The following STXBP5L variants were observed in gnomAD, a reference collection of about 807,000 sequenced individuals.
The protein encoded by STXBP5L is syntaxin-binding protein 5-like.
A neutral mutation model predicts 144.5 loss-of-function variants in STXBP5L; 65 were observed. The observed-to-expected ratio is 0.45, with a 90% CI of 0.37 to 0.55. The LOEUF (loss-of-function observed/expected upper bound fraction) is 0.55. STXBP5L is among the 20% of genes least tolerant of loss of function. The pLI is 0.00. For missense variants in STXBP5L, 1,298 were observed against 1,405.5 expected, an observed-to-expected ratio of 0.92 and a Z score of 1.22; for synonymous variants, 505 against 469.6, an observed-to-expected ratio of 1.08 and a Z score of -0.97.
intron 3 of STXBP5L, among the ~76,000 whole-genome samples, chr3:120,989,788 C>T (rs898326521): frequency 6.6e-6 from 1 of 152,012 alleles, no homozygotes; most frequent in Non-Finnish European, 1.5e-5. Flanking sequence ...TTTCATTTGT[C>T]ACAAGTAATT....
intron 3 of STXBP5L, among the ~76,000 whole-genome samples, chr3:120,973,958 T>C (rs58047229): frequency 0.25 from 38,107 of 151,866 alleles, 4,883 homozygotes; most frequent in African/African-American, 0.28. Context: ...ACATTTGGGT[T>C]GGTTCCAAGT....
chr3:121,396,854 T>G (rs989808567), intron 22 of STXBP5L, among the ~76,000 whole-genome samples: 2 of 152,260 alleles, frequency 1.3e-5, no homozygotes, highest in African/African-American at 4.8e-5. Context: ...TGCATTCTAC[T>G]TCTAACTGCT....
intron 3 of STXBP5L, among the ~76,000 whole-genome samples, chr3:120,972,234 A>G (rs1048580891): frequency 3.9e-5 from 6 of 152,060 alleles, no homozygotes; most frequent in Admixed American, 3.3e-4. Context: ...TATTTGTGTC[A>G]TCTATGATTT....
intron 9 of STXBP5L, among the ~76,000 whole-genome samples, chr3:121,201,928 G>A (rs2048154526): frequency 6.6e-6 from 1 of 152,144 alleles, no homozygotes; most frequent in African/African-American, 2.4e-5. Context: ...GCTAATTCTT[G>A]TATTTTTAGT....
At chr3:121,136,056 C>T (rs953540035) in intron 7 of STXBP5L, among the ~76,000 whole-genome samples, 4 of 152,190 alleles carry the variant, frequency 2.6e-5, no homozygotes, top group Non-Finnish European at 5.9e-5. Context: ...ACCTCAGTGG[C>T]AGGCAGATTA....
chr3:120,978,336 T>G (rs1941333619), intron 3 of STXBP5L, among the ~76,000 whole-genome samples: 1 of 152,266 alleles, frequency 6.6e-6, no homozygotes, highest in Admixed American at 6.5e-5. Context: ...GTTGTTCGCA[T>G]CAGCTCTTGA....
intron 22 of STXBP5L, among the ~76,000 whole-genome samples, chr3:121,397,034 G>T (rs1390813225): frequency 6.6e-6 from 1 of 152,196 alleles, no homozygotes; most frequent in Non-Finnish European, 1.5e-5. Context: ...TCCGCTTTTT[G>T]AGCTGAAGTA....
At chr3:121,324,040 C>A (rs1362516475) in intron 20 of STXBP5L, among the ~76,000 whole-genome samples, 3 of 152,152 alleles carry the variant, frequency 2.0e-5, no homozygotes, top group Non-Finnish European at 4.4e-5. Flanking sequence ...GGTCCTGACA[C>A]TGCTGCTACC....
Position 121,385,593 on chromosome 3 carries a change from G to A in STXBP5L, c.2587+4061G>A, listed in dbSNP as rs140584346. Reference sequence around the variant, plus strand: ...TTTTAACACTCTTTCATTTCTGTTAGTAGTAGAATATTAACAGAAATGTAA... The same window carrying A: ...TTTTAACACTCTTTCATTTCTGTTAATAGTAGAATATTAACAGAAATGTAA... On this transcript the variant is annotated intron_variant, in intron 22 of 26. Coordinates refer to ENST00000471454, the MANE Select transcript of STXBP5L (RefSeq NM_001308330.2). 2.8e-3 allele frequency among the ~76,000 whole-genome samples: 433 copies of A among 152,230 alleles called. 4 individuals carry two copies. Among genetic ancestry groups the A allele is most frequent in the African/African-American group, 9.9e-3 (411 of 41,526 alleles).
At chr3:121,024,000 C>T (rs776398997) in intron 3 of STXBP5L, among the ~76,000 whole-genome samples, 2 of 152,028 alleles carry the variant, frequency 1.3e-5, no homozygotes, top group African/African-American at 2.4e-5. Flanking sequence ...CCTTGTGATA[C>T]GCCCGCCTTG....
intron 3 of STXBP5L, among the ~76,000 whole-genome samples, chr3:120,978,926 C>T (rs1178062034): frequency 1.3e-5 from 2 of 152,142 alleles, no homozygotes; most frequent in Non-Finnish European, 2.9e-5. Flanking sequence ...GAGGAGTACC[C>T]AGCCGTGTGA....
intron 5 of STXBP5L, among the ~76,000 whole-genome samples, chr3:121,046,915 T>C (rs986629176): frequency 6.6e-6 from 1 of 152,138 alleles, no homozygotes; most frequent in African/African-American, 2.4e-5. Flanking sequence ...TTGTTTTGTA[T>C]TGTTTCTCTA....
rs2047311148 is a variant in STXBP5L at position 121,419,312 on chromosome 3, T to A, written c.*215T>A. The A allele has an allele frequency of 2.2e-6, 1 of 455,548 alleles. No individual in the cohort carries two copies. The highest frequency in any genetic ancestry group is 2.0e-5 in the African/African-American group (1 of 49,258). The allele number at this position is 455,548 out of a possible 1,614,324, so 28.2% of individuals were successfully genotyped here. A position where few individuals can be genotyped will look rare whatever the true frequency, so the allele number is the denominator to read the frequency against. On this transcript the variant is annotated 3_prime_UTR_variant, in exon 27 of 27. Transcript: ENST00000471454. ...ATCCCAAAATACGGCTGAATTTGCC[T>A]TTTCCCATGTGGAATGGAGCTATCA... is the stretch of plus-strand genomic sequence containing the variant.
At chr3:121,061,432 G>A (rs945097610) in intron 5 of STXBP5L, among the ~76,000 whole-genome samples, 1 of 152,084 alleles carries the variant, frequency 6.6e-6, no homozygotes, top group African/African-American at 2.4e-5. Context: ...GTGGTGCTGA[G>A]GTGAAAGCAT....
At chr3:121,199,310 G>C (rs1201254292) in intron 9 of STXBP5L, among the ~76,000 whole-genome samples, 2 of 152,140 alleles carry the variant, frequency 1.3e-5, no homozygotes, top group Non-Finnish European at 2.9e-5. Flanking sequence ...AGGAATGCTT[G>C]TGATTTTTGC....
intron 2 of STXBP5L, among the ~76,000 whole-genome samples, chr3:120,951,928 G>T (rs989770835): frequency 4.4e-4 from 67 of 151,796 alleles, no homozygotes; most frequent in Middle Eastern, 3.2e-3. Context: ...ATGATAGACT[G>T]GATTAAGAAA....
chr3:121,181,441 C>A (rs190283038), intron 9 of STXBP5L, among the ~76,000 whole-genome samples: 65 of 152,328 alleles, frequency 4.3e-4, no homozygotes, highest in African/African-American at 1.5e-3. Context: ...ATGGATAAAA[C>A]CTCACCAACC....
rs1356335301 is a variant in STXBP5L, at chr3:121,423,978, A to G, written c.*4881A>G. On this transcript the variant is annotated 3_prime_UTR_variant, in exon 27 of 27. Transcript: ENST00000471454. ...ATTCAAAGGTCTAGGTTTTTTTTCA[A>G]TTGTCTTACACATGTGACATCACAA... The G allele has an allele frequency of 1.3e-5, 2 of 152,148 alleles. No individual in the cohort carries two copies. The highest frequency in any genetic ancestry group is 1.3e-4 in the Admixed American group (2 of 15,276). 9.4% of individuals were successfully genotyped at this position (152,148 alleles called of 1,614,324 possible). A position where few individuals can be genotyped will look rare whatever the true frequency, so the allele number is the denominator to read the frequency against.
rs114642261 is a variant in STXBP5L, at chr3:121,133,259, G to C, written c.669+11555G>C. 6.6e-3 allele frequency among the ~76,000 whole-genome samples: 999 copies of C among 152,190 alleles called. 7 individuals carry two copies. Among genetic ancestry groups the C allele is most frequent in the Middle Eastern group, 0.024 (7 of 294 alleles). ...AAGCCTCTCAAATCTGGGGAATGTA[G>C]ATATCCAAACCCAGGAAGCCCAAAG... is the stretch of plus-strand genomic sequence containing the variant. On this transcript the variant is annotated intron_variant, in intron 7 of 26. Coordinates refer to ENST00000471454, the MANE Select transcript of STXBP5L (RefSeq NM_001308330.2).
Sources: allele counts gnomAD v4.1 joint callset (sites outside exome capture counted in the v4.1 genomes callset), GRCh38; gene constraint gnomAD v4.1.1; transcripts MANE v1.5; gene names NCBI Gene and HGNC (gene_info 2026-07-23, HGNC 2026-07-21).